The following PRTFDC1 variants were observed in gnomAD, a reference collection of about 807,000 sequenced individuals.
PRTFDC1 encodes phosphoribosyl transferase domain containing 1, also known as phosphoribosyltransferase domain-containing protein 1.
A neutral mutation model predicts 34.6 loss-of-function variants in PRTFDC1; 38 were observed. The observed-to-expected ratio is 1.10, with a 90% confidence interval of 0.85 to 1.44. The LOEUF is 1.44. Ranked by LOEUF, PRTFDC1 falls within the 40% of genes most tolerant of loss-of-function variation. PRTFDC1 has a pLI of 0.00. For missense variants in PRTFDC1, 270 were observed against 283.0 expected (o/e 0.95, Z 0.33); for synonymous variants, 93 against 98.1 (o/e 0.95, Z 0.31).
intron 3 of PRTFDC1, among the ~76,000 whole-genome samples, chr10:24,888,048 A>G (rs1382575769): frequency 1.3e-5 from 2 of 152,092 alleles, no homozygotes; most frequent in Non-Finnish European, 2.9e-5. Context: ...TAATTTTTGT[A>G]TCTCTATAGA....
chr10:24,933,017 TC>T (rs1385843192), intron 3 of PRTFDC1, among the ~76,000 whole-genome samples: 2 of 152,078 alleles, frequency 1.3e-5, no homozygotes, highest in Non-Finnish European at 2.9e-5. Context: ...AAAAGGATCA[TC>T]TTTTTGGCAA....
At chr10:24,924,470 TG>T (rs1848840319) in intron 3 of PRTFDC1, among the ~76,000 whole-genome samples, 1 of 151,990 alleles carries the variant, frequency 6.6e-6, no homozygotes, top group Non-Finnish European at 1.5e-5. Context: ...AATAGACAAA[TG>T]GGATCTAATT....
intron 4 of PRTFDC1, among the ~76,000 whole-genome samples, chr10:24,863,146 G>A (rs554726744): frequency 2.0e-5 from 3 of 152,282 alleles, no homozygotes; most frequent in African/African-American, 7.2e-5. Flanking sequence ...CCAAAGTGCT[G>A]GGATTAGAGG....
intron 5 of PRTFDC1, among the ~76,000 whole-genome samples, chr10:24,857,264 A>G (rs1475984353): frequency 6.6e-6 from 1 of 152,210 alleles, no homozygotes; most frequent in Non-Finnish European, 1.5e-5. Flanking sequence ...GACAGCATGT[A>G]GGACTCCTCG....
chr10:24,939,782 A>G (rs924569498), intron 2 of PRTFDC1, among the ~76,000 whole-genome samples: 4 of 120,980 alleles, frequency 3.3e-5, no homozygotes, highest in Non-Finnish European at 4.9e-5. Context: ...TGACAGAGTG[A>G]GACTCTATCT....
chr10:24,924,176 A>G (rs1425639873), intron 3 of PRTFDC1, among the ~76,000 whole-genome samples: 3 of 152,250 alleles, frequency 2.0e-5, no homozygotes, highest in Admixed American at 6.5e-5. Context: ...TCTATGTTTG[A>G]TTGGTGTACC....
At position 24,952,220 on chromosome 10, in the gene PRTFDC1, G is replaced by A. The variant is rs1215311026; in HGVS notation, c.48+308C>T. 1.3e-5 allele frequency among the ~76,000 whole-genome samples: 2 copies of A among 152,204 alleles called. No homozygotes were observed. Among genetic ancestry groups the A allele is most frequent in the Non-Finnish European group, 2.9e-5 (2 of 68,034 alleles). The stretch of plus-strand genomic sequence containing the variant: ...GGGGCCCTGCCGGGCTCGCAGAAGC[G>A]ACTCCCCGTGGCTCGCGGGGATGGG... On this transcript the variant is annotated intron_variant, in intron 1 of 8. Transcript: ENST00000320152. The surrounding 1 kb of genome is among the most constrained non-coding windows in gnomAD (Gnocchi z 5.1).
In PRTFDC1 at chr10:24,922,386, T is replaced by C. The variant is rs142074693; in HGVS notation, c.339+14798A>G. Among the ~76,000 whole-genome samples, 164 of 152,338 alleles carry C rather than the reference T, an allele frequency of 1.1e-3. 2 individuals carry two copies. Among genetic ancestry groups the C allele is most frequent in the African/African-American group, 3.8e-3 (156 of 41,592 alleles). Reference sequence around the variant, plus strand: ...ACCGCATTGATATGGTTTGGCTCTGTGCGCTTACACAAGTCTCACCTTGAA... The same window carrying C: ...ACCGCATTGATATGGTTTGGCTCTGCGCGCTTACACAAGTCTCACCTTGAA... On this transcript the variant is annotated intron_variant, in intron 3 of 8. Coordinates refer to ENST00000320152, the MANE Select transcript of PRTFDC1 (RefSeq NM_020200.7).
intron 4 of PRTFDC1, among the ~76,000 whole-genome samples, chr10:24,863,640 A>C (rs1389026577): frequency 6.6e-6 from 1 of 152,196 alleles, no homozygotes; most frequent in Non-Finnish European, 1.5e-5. Flanking sequence ...TGGGTAAAGT[A>C]AATTGAAAAC....
At chr10:24,927,985 G>A (rs1276394988) in intron 3 of PRTFDC1, among the ~76,000 whole-genome samples, 9 of 152,078 alleles carry the variant, frequency 5.9e-5, no homozygotes, top group Admixed American at 2.6e-4. Flanking sequence ...AAGATGAGGC[G>A]CTACCAATTT....
chr10:24,868,112 T>C (rs1847814783), intron 4 of PRTFDC1: 1 of 152,202 alleles, frequency 6.6e-6, no homozygotes, highest in Non-Finnish European at 1.5e-5. Context: ...GTTTTTTAAA[T>C]TTATTTGGAG....
At chr10:24,903,950 A>G (rs1269757595) in intron 3 of PRTFDC1, among the ~76,000 whole-genome samples, 1 of 151,888 alleles carries the variant, frequency 6.6e-6, no homozygotes, top group African/African-American at 2.4e-5. Flanking sequence ...CAGCCTCGCA[A>G]AGGGCTGGGA....
At chr10:24,912,268 CAAAAAA>C (rs58294462) in intron 3 of PRTFDC1, among the ~76,000 whole-genome samples, 488 of 53,922 alleles carry the variant, frequency 9.1e-3, no homozygotes, top group South Asian at 0.026. Context: ...GACTTCATCT[CAAAAAA>C]AAAAAAAAAA....
rs77052499 is a variant in PRTFDC1 at position 24,901,297 on chromosome 10, T to C, written c.340-29234A>G. ...GAAAGAAACTAAGTGGGTGTTTCTTTGTTGGCAGAATGTCAGCAATTAAGG... is the reference window on the plus strand; with the variant it reads ...GAAAGAAACTAAGTGGGTGTTTCTTCGTTGGCAGAATGTCAGCAATTAAGG... On this transcript the variant is annotated intron_variant, in intron 3 of 8. Transcript: ENST00000320152. Among the ~76,000 whole-genome samples, 784 of 152,240 alleles carry C rather than the reference T, an allele frequency of 5.1e-3. 10 individuals are homozygous for C. The highest frequency in any genetic ancestry group is 0.018 in the African/African-American group (753 of 41,538).
At chr10:24,870,399 T>A (rs867120503) in intron 4 of PRTFDC1, among the ~76,000 whole-genome samples, 1 of 152,176 alleles carries the variant, frequency 6.6e-6, no homozygotes, top group African/African-American at 2.4e-5. Context: ...TGAGCCACCA[T>A]GCCCAGCCGT....
At chr10:24,871,649 A>G (rs2132511183) in intron 4 of PRTFDC1, among the ~76,000 whole-genome samples, 1 of 151,164 alleles carries the variant, frequency 6.6e-6, no homozygotes. Flanking sequence ...GATGGATGAA[A>G]AAAAAAAAAA....
At chr10:24,897,718 A>G (rs1273953833) in intron 3 of PRTFDC1, among the ~76,000 whole-genome samples, 1 of 152,258 alleles carries the variant, frequency 6.6e-6, no homozygotes, top group Non-Finnish European at 1.5e-5. Context: ...TTAAAGAAAT[A>G]TAGTGATAAT....
chr10:24,940,141 C>A (rs1035346140), intron 2 of PRTFDC1, among the ~76,000 whole-genome samples: 1 of 152,144 alleles, frequency 6.6e-6, no homozygotes, highest in African/African-American at 2.4e-5. Flanking sequence ...ATTGACAGGT[C>A]CAACAGTCAG....
Position 24,952,478 on chromosome 10 carries a change from A to G in PRTFDC1, c.48+50T>C, listed in dbSNP as rs1049978245. 5.2e-6 allele frequency: 8 copies of G among 1,537,098 alleles called. No homozygotes were observed. The highest frequency in any genetic ancestry group is 7.1e-6 in the Non-Finnish European group (8 of 1,131,386). On this transcript the variant is annotated intron_variant, in intron 1 of 8. Coordinates refer to ENST00000320152, the MANE Select transcript of PRTFDC1 (RefSeq NM_020200.7). This position sits in a 1 kb window ranked among gnomAD's most constrained non-coding sequence, Gnocchi z 5.1. The stretch of plus-strand genomic sequence containing the variant: ...GCATTTAATCTACAAGCAGGGTGCC[A>G]GGGAGGGAGGGGAGCGGGCCGAGCC...
Sources: gnomAD v4.1 joint callset for allele counts (sites outside exome capture counted in the v4.1 genomes callset) on GRCh38, gnomAD v4.1.1 for gene constraint, Gnocchi (gnomAD v3.1) non-coding constraint, MANE v1.5 for transcripts, NCBI Gene and HGNC (gene_info 2026-07-23, HGNC 2026-07-21) for gene names.